Variants in IL1RAPL1 observed in about 807,000 individuals in gnomAD.
The protein encoded by IL1RAPL1 is interleukin-1 receptor accessory protein-like 1.
In IL1RAPL1, 3 loss-of-function variants were observed where a neutral mutation model predicts 48.4. The ratio of observed to expected loss-of-function variants is 0.06; its 90% CI spans 0.03 to 0.16. The LOEUF (loss-of-function observed/expected upper bound fraction) is 0.16. Among genes scored for constraint, IL1RAPL1 ranks in the 10% least tolerant of loss-of-function variants. The pLI is 1.00. For synonymous variants in IL1RAPL1, 185 were observed against 187.7 expected, an observed-to-expected ratio of 0.99 and a Z score of 0.12; for missense variants, 349 against 530.6, an observed-to-expected ratio of 0.66 and a Z score of 3.36.
At chrX:29,183,494 A>C (rs774783523) in intron 2 of IL1RAPL1, among the ~76,000 whole-genome samples, 5 of 111,051 alleles carry the variant, frequency 4.5e-5, no homozygotes, top group Non-Finnish European at 9.4e-5. Context: ...TTGACTGACA[A>C]ACCCCTCCAT....
At chrX:29,540,114 T>C (rs968714260) in intron 5 of IL1RAPL1, among the ~76,000 whole-genome samples, 1 of 111,786 alleles carries the variant, frequency 8.9e-6, no homozygotes, top group Non-Finnish European at 1.9e-5. Flanking sequence ...CAAAAATTAG[T>C]AGCATTTCTG....
At chrX:29,398,331 A>G (rs1447559718) in intron 4 of IL1RAPL1, among the ~76,000 whole-genome samples, 1 of 112,465 alleles carries the variant, frequency 8.9e-6, no homozygotes, top group African/African-American at 3.2e-5. Flanking sequence ...ACAATTTTTT[A>G]GAAACAATAT....
chrX:29,377,377 G>T (rs1933637601), intron 3 of IL1RAPL1, among the ~76,000 whole-genome samples: 1 of 111,844 alleles, frequency 8.9e-6, no homozygotes, highest in South Asian at 3.7e-4. Context: ...AGTATTGATA[G>T]ATGAGATTTT....
At chrX:28,664,406 T>A (rs1440520223) in intron 1 of IL1RAPL1, among the ~76,000 whole-genome samples, 1 of 112,223 alleles carries the variant, frequency 8.9e-6, no homozygotes, top group African/African-American at 3.2e-5. Context: ...ATTCAGAGAA[T>A]AAGATTTTAT....
intron 5 of IL1RAPL1, among the ~76,000 whole-genome samples, chrX:29,634,700 C>T (rs978022846): frequency 9.0e-6 from 1 of 111,583 alleles, no homozygotes; most frequent in African/African-American, 3.3e-5. Context: ...CCCTGGAGTT[C>T]AATTAGCAAT....
rs180756051 is a variant in IL1RAPL1 at position 28,676,078 on chromosome X, G to C, written c.-25+88031G>C. On this transcript the variant is annotated intron_variant, in intron 1 of 10. Transcript: ENST00000378993. ...TCAGTGACAATTCACCTCTATGATT[G>C]TTAATGAAAACGTTTGACTACTGAA... 4.2e-4 allele frequency among the ~76,000 whole-genome samples: 47 copies of C among 111,826 alleles called. No individual in the cohort carries two copies. The East Asian group carries it at 0.011, about 27-fold the overall frequency.
intron 2 of IL1RAPL1, among the ~76,000 whole-genome samples, chrX:29,009,303 A>T (rs888247876): frequency 4.5e-5 from 5 of 111,839 alleles, no homozygotes; most frequent in Non-Finnish European, 9.4e-5. Flanking sequence ...AGTGGCACAC[A>T]ATTTACTCAT....
At chrX:29,121,556 T>C (rs1175275839) in intron 2 of IL1RAPL1, among the ~76,000 whole-genome samples, 1 of 111,714 alleles carries the variant, frequency 9.0e-6, no homozygotes, top group East Asian at 2.8e-4. Flanking sequence ...GATAGTATCA[T>C]TGACTATGCA....
At chrX:28,658,767 T>G (rs1422656155) in intron 1 of IL1RAPL1, among the ~76,000 whole-genome samples, 1 of 111,098 alleles carries the variant, frequency 9.0e-6, no homozygotes, top group South Asian at 3.8e-4. Context: ...CCAGAAAAAT[T>G]TAACGGGTTT....
chrX:29,124,227 G>C (rs896435156), intron 2 of IL1RAPL1, among the ~76,000 whole-genome samples: 8 of 111,957 alleles, frequency 7.1e-5, no homozygotes, highest in African/African-American at 2.6e-4. Context: ...GAAAATAATT[G>C]ATCCAGAGGA....
chrX:29,517,726 A>G (rs1408736020), intron 5 of IL1RAPL1, among the ~76,000 whole-genome samples: 1 of 110,971 alleles, frequency 9.0e-6, no homozygotes, highest in Non-Finnish European at 1.9e-5. Context: ...TGTATAGATC[A>G]AATTTTACTT....
intron 2 of IL1RAPL1, among the ~76,000 whole-genome samples, chrX:29,148,457 T>C (rs1929393761): frequency 8.9e-6 from 1 of 112,146 alleles, no homozygotes; most frequent in Admixed American, 9.5e-5. Flanking sequence ...AATCAATTTA[T>C]TTAGAGTGAA....
At chrX:29,527,495 G>A (rs1205212164) in intron 5 of IL1RAPL1, among the ~76,000 whole-genome samples, 9 of 107,703 alleles carry the variant, frequency 8.4e-5, no homozygotes, top group Admixed American at 6.0e-4. Flanking sequence ...GTGCCACCAC[G>A]CCCAGCTAAT....
At chrX:28,833,510 A>G (rs1921124933) in intron 2 of IL1RAPL1, among the ~76,000 whole-genome samples, 1 of 111,709 alleles carries the variant, frequency 9.0e-6, no homozygotes, top group Non-Finnish European at 1.9e-5. Flanking sequence ...TTTTAATAAT[A>G]GCCATTCTGA....
chrX:28,703,189 G>A (rs750055175), intron 1 of IL1RAPL1, among the ~76,000 whole-genome samples: 26 of 111,389 alleles, frequency 2.3e-4, no homozygotes, highest in Admixed American at 2.1e-3. Context: ...GTGTGGCCCT[G>A]GGCAAGTTAC....
rs538613621 is a variant in IL1RAPL1 at position 28,668,832 on chromosome X, G to C, written c.-25+80785G>C. On this transcript the variant is annotated intron_variant, in intron 1 of 10. Transcript: ENST00000378993. ...TTTAATGTACTGTGAGCCATGGATA[G>C]CATAATATAGTCATGAGATTTATCA... is the stretch of plus-strand genomic sequence containing the variant. 1.7e-4 allele frequency among the ~76,000 whole-genome samples: 19 copies of C among 111,806 alleles called. No homozygotes were observed. The South Asian group carries it at 7.1e-3, about 42-fold the overall frequency.
intron 1 of IL1RAPL1, among the ~76,000 whole-genome samples, chrX:28,698,174 T>A (rs775385168): frequency 7.4e-4 from 83 of 111,647 alleles, no homozygotes; most frequent in African/African-American, 2.5e-3. Flanking sequence ...GAAAGTGATT[T>A]GGTGATCAAG....
At chrX:29,720,414 T>C (rs1241838682) in intron 6 of IL1RAPL1, among the ~76,000 whole-genome samples, 5 of 109,220 alleles carry the variant, frequency 4.6e-5, no homozygotes, top group Non-Finnish European at 9.4e-5. Context: ...CATGAAATAC[T>C]ATGCAGCCAT....
At chrX:28,633,893 A>G (rs1032800610) in intron 1 of IL1RAPL1, among the ~76,000 whole-genome samples, 10 of 111,926 alleles carry the variant, frequency 8.9e-5, no homozygotes, top group Admixed American at 5.7e-4. Context: ...TATGGGATGC[A>G]ATGTTATTTT....
Sources: allele counts gnomAD v4.1 joint callset (sites outside exome capture counted in the v4.1 genomes callset), GRCh38; gene constraint gnomAD v4.1.1; transcripts MANE v1.5; gene names NCBI Gene and HGNC (gene_info 2026-07-23, HGNC 2026-07-21).